Variants in LIX1L observed in about 807,000 individuals in gnomAD.
LIX1L encodes the protein LIX1-like protein.
Under a neutral mutation model 34.0 loss-of-function variants are expected in LIX1L, and 20 were observed. The ratio of observed to expected loss-of-function variants is 0.59; its 90% CI spans 0.41 to 0.85. The LOEUF (loss-of-function observed/expected upper bound fraction) is 0.85, where lower values mean the gene tolerates loss of function less well. Ranked by LOEUF, LIX1L falls within the 40% of genes least tolerant of loss-of-function variation. The pLI, the probability that LIX1L is intolerant of heterozygous loss-of-function variation, is 0.00. For synonymous variants in LIX1L, 170 were observed against 187.4 expected (o/e 0.91, Z 0.76); for missense variants, 397 against 447.0 (o/e 0.89, Z 1.01).
chr1:145,949,157 A>T (rs1649204236), intron 1 of LIX1L: 1 of 152,238 alleles, frequency 6.6e-6, no homozygotes, highest in South Asian at 2.1e-4. Context: ...ATTGTATTCT[A>T]GAAAACTTCC....
At chr1:145,936,599 A>G (rs1233546806) in intron 5 of LIX1L, 47 bp from the exon 6 acceptor site, 1 of 1,607,508 alleles carries the variant, frequency 6.2e-7, no homozygotes, top group Non-Finnish European at 8.5e-7. Context: ...GTAAAGGTTC[A>G]TATCATACCA....
intron 3 of LIX1L, chr1:145,941,139 G>C (rs1648899540): frequency 6.6e-6 from 1 of 151,990 alleles, no homozygotes; most frequent in Admixed American, 6.6e-5. Context: ...AAAGAATAAT[G>C]GGAGAAAAAC....
intron 1 of LIX1L, among the ~76,000 whole-genome samples, chr1:145,953,811 T>A (rs782199746): frequency 6.6e-6 from 1 of 152,122 alleles, no homozygotes; most frequent in African/African-American, 2.4e-5. Flanking sequence ...TCCAGCACTT[T>A]GGGAGGCCAA....
chr1:145,950,084 GCC>G (rs1649238958), intron 1 of LIX1L: 1 of 152,172 alleles, frequency 6.6e-6, no homozygotes, highest in Non-Finnish European at 1.5e-5. Flanking sequence ...CTCCACCTTG[GCC>G]CCCCAAAGTG....
At chr1:145,937,374 G>A (rs587766565) in intron 4 of LIX1L, 1 of 346,374 alleles carries the variant, frequency 2.9e-6, no homozygotes, top group African/African-American at 2.1e-5. Flanking sequence ...GCTTTGCCAT[G>A]TCTCAAACTC....
intron 5 of LIX1L, 84 bp downstream of exon 5, chr1:145,936,824 T>C: frequency 9.9e-7 from 1 of 1,006,430 alleles, no homozygotes; most frequent in Non-Finnish European, 1.6e-6. Context: ...CAATAGACCT[T>C]ATTTCTAACA....
At position 145,937,639 on chromosome 1, in the gene LIX1L, C is replaced by A. The variant is rs1553758018; in HGVS notation, c.658G>T (p.Glu220Ter). The A allele has an allele frequency of 6.2e-7, 1 of 1,613,742 alleles. No homozygotes were observed. Among genetic ancestry groups the A allele is most frequent in the South Asian group, 1.1e-5 (1 of 91,060 alleles). The change falls in exon 4 of 6, where the codon GAA becomes TAA. Residue 220 changes from glutamate to a stop codon, truncating the protein, a stop_gained. Coordinates refer to ENST00000604000, the MANE Select transcript of LIX1L (RefSeq NM_153713.3). LOFTEE classifies it high-confidence loss of function. ...TGIGAFRFML[E>*]SNKGKSMLEF... ...AACATTGATTTGCCCTTGTTGGATTCCAGCATGAATCGGAAGGCACCAATC... is the reference window on the plus strand; with the variant it reads ...AACATTGATTTGCCCTTGTTGGATTACAGCATGAATCGGAAGGCACCAATC...
intron 1 of LIX1L, among the ~76,000 whole-genome samples, chr1:145,955,320 A>AATAC (rs1198795123): frequency 1.5e-3 from 235 of 152,328 alleles, no homozygotes; most frequent in African/African-American, 5.2e-3. Context: ...TAAATAAGTA[A>AATAC]ATACATACAT....
At chr1:145,952,917 AT>A (rs782653339) in intron 1 of LIX1L, among the ~76,000 whole-genome samples, 180 of 144,654 alleles carry the variant, frequency 1.2e-3, no homozygotes, top group Middle Eastern at 3.5e-3. Flanking sequence ...AACCTAAAAC[AT>A]TTTTTTTTTT....
At chr1:145,945,150 G>T (rs1216306359) in intron 2 of LIX1L, among the ~76,000 whole-genome samples, 3 of 151,756 alleles carry the variant, frequency 2.0e-5, no homozygotes, top group African/African-American at 7.3e-5. Context: ...GGCCAACATG[G>T]TGAAATAATA....
At position 145,936,020 on chromosome 1, in the gene LIX1L, T is replaced by C. The variant is rs1003781139; in HGVS notation, c.*290A>G. On this transcript the variant is annotated 3_prime_UTR_variant, in exon 6 of 6. Coordinates refer to ENST00000604000, the MANE Select transcript of LIX1L (RefSeq NM_153713.3). ...ACTAGAGTTAATCTTTTAGTGCTAC[T>C]GAAATGGCTACACAGTTAATCTGGA... 2.7e-6 allele frequency: 1 copy of C among 372,602 alleles called. No individual in the cohort carries two copies. The highest frequency in any genetic ancestry group is 4.9e-6 in the Non-Finnish European group (1 of 203,926). The allele number at this position is 372,602 out of a possible 1,614,324, so 23.1% of individuals were successfully genotyped here.
chr1:145,957,521 C>A, intron 1 of LIX1L, 115 bp downstream of exon 1: 2 of 1,312,990 alleles, frequency 1.5e-6, no homozygotes, highest in South Asian at 4.1e-5. Context: ...GAAGGAAACT[C>A]CCCAAAAGGA....
rs1553757247 is a variant in LIX1L, at chr1:145,933,517, AGTGG to A, written c.*2789_*2792del. On this transcript the variant is annotated 3_prime_UTR_variant, in exon 6 of 6. Coordinates refer to ENST00000604000, the MANE Select transcript of LIX1L (RefSeq NM_153713.3). ...GATGAGTAAAATCTTTGACACCAGAAGTGGACAGATCAGGAAACAATTTTTCTCA... is the reference window on the plus strand; with the variant it reads ...GATGAGTAAAATCTTTGACACCAGAAACAGATCAGGAAACAATTTTTCTCA... The A allele has an allele frequency of 6.6e-6, 1 of 152,256 alleles. No individual in the cohort carries two copies. Among genetic ancestry groups the A allele is most frequent in the East Asian group, 1.9e-4 (1 of 5,204 alleles). The allele number at this position is 152,256 out of a possible 1,614,324, so 9.4% of individuals were successfully genotyped here. A position where few individuals can be genotyped will look rare whatever the true frequency, so the allele number is the denominator to read the frequency against.
At position 145,934,585 on chromosome 1, in the gene LIX1L, A is replaced by AC. The variant is rs1648558098; in HGVS notation, c.*1724_*1725insG. On this transcript the variant is annotated 3_prime_UTR_variant, in exon 6 of 6. Coordinates refer to ENST00000604000, the MANE Select transcript of LIX1L (RefSeq NM_153713.3). ...CGAGACTCCGTCTCAAAAAAAAAAA[A>AC]AACACACAAATAGTTTGGGAGGCCG... 8.3e-6 allele frequency: 1 copy of AC among 120,852 alleles called. No homozygotes were observed. Among genetic ancestry groups the AC allele is most frequent in the East Asian group, 2.5e-4 (1 of 4,068 alleles). 7.5% of individuals were successfully genotyped at this position (120,852 alleles called of 1,614,324 possible). A position where few individuals can be genotyped will look rare whatever the true frequency, so the allele number is the denominator to read the frequency against.
intron 2 of LIX1L, chr1:145,944,722 C>T (rs1649040038): frequency 6.6e-6 from 1 of 152,200 alleles, no homozygotes; most frequent in South Asian, 2.1e-4. Flanking sequence ...TCTAATCTAG[C>T]TTCAGTTATT....
chr1:145,934,122 AATAAT>A lies in LIX1L; in HGVS notation c.*2183_*2187del, dbSNP rs1181843383. 2 of 152,200 alleles carry A rather than the reference AATAAT, an allele frequency of 1.3e-5. No homozygotes were observed. The highest frequency in any genetic ancestry group is 2.9e-5 in the Non-Finnish European group (2 of 68,052). The allele number at this position is 152,200 out of a possible 1,614,324, so 9.4% of individuals were successfully genotyped here. On this transcript the variant is annotated 3_prime_UTR_variant, in exon 6 of 6. Transcript: ENST00000604000. ...GCTCAGTTTAGAAAGTACATGGGAC[AATAAT>A]ATAGTATAAATAAGAGATCACAGAG...
At chr1:145,954,230 C>T (rs1553760134) in intron 1 of LIX1L, among the ~76,000 whole-genome samples, 1 of 152,086 alleles carries the variant, frequency 6.6e-6, no homozygotes, top group Non-Finnish European at 1.5e-5. Flanking sequence ...CACGGCCCTG[C>T]CAACACCTTG....
chr1:145,936,665 C>A, intron 5 of LIX1L, 113 bp from the exon 6 acceptor site: 2 of 1,307,458 alleles, frequency 1.5e-6, no homozygotes, highest in Non-Finnish European at 2.1e-6. Context: ...GAGGTCAGCA[C>A]CTAAGTTCTT....
chr1:145,936,594 G>A, intron 5 of LIX1L, 42 bp from the exon 6 acceptor site: 3 of 1,609,912 alleles, frequency 1.9e-6, no homozygotes, highest in South Asian at 2.2e-5. Context: ...AGAAGGTAAA[G>A]GTTCATATCA....
Sources: gnomAD v4.1 joint callset for allele counts (sites outside exome capture counted in the v4.1 genomes callset) on GRCh38, gnomAD v4.1.1 for gene constraint, MANE v1.5 for transcripts, NCBI Gene and HGNC (gene_info 2026-07-23, HGNC 2026-07-21) for gene names.